NFIB: variants seen among roughly 807,000 people sequenced by gnomAD.
The protein encoded by NFIB is nuclear factor I B, also known as nuclear factor 1 B-type.
Under a neutral mutation model 61.5 loss-of-function variants are expected in NFIB, and 11 were observed. That is an observed-to-expected ratio of 0.18 (90% CI 0.11 to 0.30). The LOEUF (loss-of-function observed/expected upper bound fraction) is 0.30, where lower values mean the gene tolerates loss of function less well. Ranked by LOEUF, NFIB falls within the 10% of genes least tolerant of loss-of-function variation. The pLI is 1.00. For synonymous variants in NFIB, 260 were observed against 216.5 expected, an observed-to-expected ratio of 1.20 and a Z score of -1.76; for missense variants, 471 against 608.9, an observed-to-expected ratio of 0.77 and a Z score of 2.38.
chr9:14,195,358 T>C (rs2048362210), intron 2 of NFIB, among the ~76,000 whole-genome samples: 2 of 152,316 alleles, frequency 1.3e-5, no homozygotes, highest in East Asian at 1.9e-4. Flanking sequence ...TTCCATCTTA[T>C]TGACAAAATA....
chr9:14,212,169 C>A (rs867343139), intron 2 of NFIB, among the ~76,000 whole-genome samples: 1 of 152,160 alleles, frequency 6.6e-6, no homozygotes, highest in Non-Finnish European at 1.5e-5. Context: ...CTGTAAGGAA[C>A]ATCTAACTGC....
chr9:14,084,755 A>C lies in NFIB; in HGVS notation c.*3554T>G, dbSNP rs1201274916. The C allele has an allele frequency of 4.4e-6, 1 of 229,738 alleles. No individual in the cohort carries two copies. Among genetic ancestry groups the C allele is most frequent in the Admixed American group, 5.7e-5 (1 of 17,628 alleles). 14.2% of individuals were successfully genotyped at this position (229,738 alleles called of 1,614,324 possible). On this transcript the variant is annotated 3_prime_UTR_variant, in exon 11 of 11. Coordinates refer to ENST00000380953, the MANE Select transcript of NFIB (RefSeq NM_001190737.2). ...CTGCAAAAGTGGGGCCCTTCGTCAGAATATACTTCCTGGTACACGAGGAGG... is the reference window on the plus strand; with the variant it reads ...CTGCAAAAGTGGGGCCCTTCGTCAGCATATACTTCCTGGTACACGAGGAGG...
At chr9:14,276,377 G>A (rs554239264) in intron 2 of NFIB, among the ~76,000 whole-genome samples, 1 of 152,222 alleles carries the variant, frequency 6.6e-6, no homozygotes, top group Admixed American at 6.5e-5. Context: ...CAATTTACAA[G>A]TATGAGGTAT....
the NFIB span, among the ~76,000 whole-genome samples, chr9:14,503,873 T>C: frequency 3.9e-5 from 6 of 152,160 alleles, no homozygotes; most frequent in Non-Finnish European, 7.4e-5. Context: ...TGCTTTTGGG[T>C]TCTTGGTCAT....
intron 3 of NFIB, among the ~76,000 whole-genome samples, chr9:14,172,614 T>C (rs2045689705): frequency 6.6e-6 from 1 of 152,222 alleles, no homozygotes. Context: ...TAACAACATT[T>C]GCTTTCTAAA....
the NFIB span, among the ~76,000 whole-genome samples, chr9:14,436,227 C>G: frequency 6.6e-6 from 1 of 152,220 alleles, no homozygotes; most frequent in African/African-American, 2.4e-5. Context: ...TGGCCTCAGC[C>G]TGTTATAAAA....
intron 6 of NFIB, among the ~76,000 whole-genome samples, chr9:14,140,468 C>A (rs568481926): frequency 6.6e-6 from 1 of 152,132 alleles, no homozygotes; most frequent in South Asian, 2.1e-4. Flanking sequence ...TAAACATGTT[C>A]AGTCAAGAGC....
intron 2 of NFIB, among the ~76,000 whole-genome samples, chr9:14,234,439 G>A (rs921875820): frequency 1.3e-4 from 19 of 150,944 alleles, no homozygotes; most frequent in African/African-American, 3.9e-4. Flanking sequence ...GCGGGATCTC[G>A]GCTCACTGCA....
chr9:14,422,870 G>C, the NFIB span, among the ~76,000 whole-genome samples: 1 of 152,040 alleles, frequency 6.6e-6, no homozygotes, highest in East Asian at 1.9e-4. Flanking sequence ...GGAGGATGCT[G>C]GGCATGTAAA....
In NFIB at chr9:14,340,159, A is replaced by G. The variant is rs552777662; in HGVS notation, c.109-32639T>C. 7.2e-5 allele frequency among the ~76,000 whole-genome samples: 11 copies of G among 152,300 alleles called. No individual in the cohort carries two copies. In the East Asian group the frequency reaches 9.6e-4, roughly 13 times the overall value. ...GTTTGTAAGAACTTAGAAGCACTCA[A>G]TCTTGCTTCTAGAGGTTCTGATCTG... On this transcript the variant is annotated intron_variant, in intron 1 of 8. Coordinates refer to the NFIB transcript ENST00000380934.
intron 2 of NFIB, among the ~76,000 whole-genome samples, chr9:14,304,503 G>C (rs1184771570): frequency 6.6e-6 from 1 of 152,224 alleles, no homozygotes; most frequent in African/African-American, 2.4e-5. Context: ...AGGGTCTGAT[G>C]CCAATCCTGG....
At chr9:14,237,763 A>AGTGT (rs71321971) in intron 2 of NFIB, among the ~76,000 whole-genome samples, 948 of 85,106 alleles carry the variant, frequency 0.011, 96 homozygotes, top group East Asian at 0.042. Flanking sequence ...TAGGTATAAC[A>AGTGT]GTGTGTGTGT....
the NFIB span, among the ~76,000 whole-genome samples, chr9:14,499,196 A>G: frequency 7.9e-5 from 12 of 152,178 alleles, no homozygotes; most frequent in African/African-American, 2.9e-4. Context: ...AGCCATCTAC[A>G]TGACAAATAC....
chr9:14,413,416 T>C, the NFIB span, among the ~76,000 whole-genome samples: 3 of 152,202 alleles, frequency 2.0e-5, no homozygotes, highest in African/African-American at 4.8e-5. Context: ...GTTTGTTATA[T>C]AGTCAATAGG....
At chr9:14,356,258 A>C (rs1277921217) in intron 1 of NFIB, among the ~76,000 whole-genome samples, 1 of 152,144 alleles carries the variant, frequency 6.6e-6, no homozygotes, top group Non-Finnish European at 1.5e-5. Context: ...GGTTTTCTTG[A>C]AGTGGGAAAA....
intron 2 of NFIB, among the ~76,000 whole-genome samples, chr9:14,226,218 T>C (rs952481085): frequency 6.6e-6 from 1 of 152,278 alleles, no homozygotes; most frequent in African/African-American, 2.4e-5. Context: ...GATAACTTTT[T>C]TTTGGCTAAA....
intron 3 of NFIB, among the ~76,000 whole-genome samples, chr9:14,156,752 G>C (rs2043461144): frequency 6.6e-6 from 1 of 152,222 alleles, no homozygotes; most frequent in African/African-American, 2.4e-5. Context: ...GGTGTAATGA[G>C]TGTGAGGAAT....
chr9:14,457,203 G>A, the NFIB span, among the ~76,000 whole-genome samples: 3 of 152,110 alleles, frequency 2.0e-5, no homozygotes, highest in Non-Finnish European at 4.4e-5. Context: ...CATTGGCTGT[G>A]GGAAGATGAA....
rs569990384 is a variant in NFIB, at chr9:14,257,612, C to A, written c.562+49377G>T. On this transcript the variant is annotated intron_variant, in intron 2 of 10. Transcript: ENST00000380953. ...TCTTCTAAAAATACAAAAAATTAGC[C>A]GGGCATGGTTGCGGGCACCTGTAAT... 1.1e-3 allele frequency among the ~76,000 whole-genome samples: 174 copies of A among 152,100 alleles called. 1 individual carries two copies. The highest frequency in any genetic ancestry group is 2.0e-3 in the Non-Finnish European group (139 of 68,000).
Sources: gnomAD v4.1 joint callset for allele counts (sites outside exome capture counted in the v4.1 genomes callset) on GRCh38, gnomAD v4.1.1 for gene constraint, MANE v1.5 for transcripts, NCBI Gene and HGNC (gene_info 2026-07-23, HGNC 2026-07-21) for gene names.